The following AKT3 variants were observed in gnomAD, a reference collection of about 807,000 sequenced individuals.
AKT3 encodes RAC-gamma serine/threonine-protein kinase.
Under a neutral mutation model 65.3 loss-of-function variants are expected in AKT3, and 15 were observed. That is an observed-to-expected ratio of 0.23 (90% CI 0.15 to 0.35). The LOEUF is 0.35. AKT3 is among the 10% of genes least tolerant of loss of function. The pLI, the probability that AKT3 is intolerant of heterozygous loss-of-function variation, is 1.00. For synonymous variants in AKT3, 206 were observed against 183.8 expected (o/e 1.12, Z -0.98); for missense variants, 243 against 576.5 (o/e 0.42, Z 5.92).
rs950378744 is a variant in AKT3 at position 243,587,006 on chromosome 1, TA to T, written c.697-13959del. 7.7e-4 allele frequency among the ~76,000 whole-genome samples: 116 copies of T among 151,262 alleles called. 1 individual carries two copies. The highest frequency in any genetic ancestry group is 1.2e-3 in the African/African-American group (48 of 41,248). On this transcript the variant is annotated intron_variant, in intron 8 of 13. Coordinates refer to ENST00000673466, the MANE Select transcript of AKT3 (RefSeq NM_005465.7). ...TGTGACAAAGCTCATATTCTTAATA[TA>T]AAAAAAAATTAAAAGACTAAAACAC... is the stretch of plus-strand genomic sequence containing the variant.
chr1:243,528,046 T>A (rs1671276079), intron 12 of AKT3, among the ~76,000 whole-genome samples: 2 of 152,204 alleles, frequency 1.3e-5, no homozygotes, highest in Admixed American at 1.3e-4. Flanking sequence ...ACATCTGCTC[T>A]GGTGGGCGTC....
chr1:243,824,123 A>G (rs1183558232), intron 2 of AKT3, among the ~76,000 whole-genome samples: 1 of 152,234 alleles, frequency 6.6e-6, no homozygotes, highest in Non-Finnish European at 1.5e-5. Context: ...TAACCATCTG[A>G]TCTTTGACAA....
chr1:243,533,715 G>A (rs1671708540), intron 12 of AKT3, among the ~76,000 whole-genome samples: 1 of 152,216 alleles, frequency 6.6e-6, no homozygotes, highest in South Asian at 2.1e-4. Context: ...AGAAGGCCGG[G>A]CGCGGTGGCT....
chr1:243,613,680 A>G lies in AKT3; in HGVS notation c.687T>C (p.Asn229=), dbSNP rs777343432. The part of the protein sequence containing the change: ...DRLCFVMEYV[N]GGELFFHLSR... ...TTACTTCTTGACTCACCTCGCCCCC[A>G]TTAACATATTCCATCACAAAACACA... Residue 229 remains asparagine, a synonymous_variant, in exon 8 of 14, where the codon AAT becomes AAC. Transcript: ENST00000673466. 2.5e-6 allele frequency: 4 copies of G among 1,596,006 alleles called. No homozygotes were observed. The highest frequency in any genetic ancestry group is 1.7e-4 in the Middle Eastern group (1 of 6,004).
chr1:243,652,625 C>A (rs758361338), intron 4 of AKT3, among the ~76,000 whole-genome samples: 2 of 151,766 alleles, frequency 1.3e-5, no homozygotes, highest in Non-Finnish European at 2.9e-5. Context: ...GGGCTAAATG[C>A]CCCAATGACA....
chr1:243,755,063 T>C (rs1314009379), intron 2 of AKT3, among the ~76,000 whole-genome samples: 1 of 152,020 alleles, frequency 6.6e-6, no homozygotes, highest in Non-Finnish European at 1.5e-5. Context: ...CTCAAGTCCT[T>C]TTTAATTATT....
At chr1:243,786,735 C>T (rs1186114059) in intron 2 of AKT3, among the ~76,000 whole-genome samples, 1 of 152,054 alleles carries the variant, frequency 6.6e-6, no homozygotes, top group African/African-American at 2.4e-5. Flanking sequence ...GCTGTTGAAC[C>T]AGAAATGCTG....
chr1:243,722,346 T>C (rs1241586762), intron 2 of AKT3, among the ~76,000 whole-genome samples: 1 of 152,176 alleles, frequency 6.6e-6, no homozygotes, highest in Non-Finnish European at 1.5e-5. Flanking sequence ...ATTTACTCTA[T>C]AATATAAAGT....
intron 8 of AKT3, among the ~76,000 whole-genome samples, chr1:243,588,810 C>A (rs1675992599): frequency 6.6e-6 from 1 of 152,030 alleles, no homozygotes; most frequent in African/African-American, 2.4e-5. Flanking sequence ...ACCAAAAAAA[C>A]CTCCTTGATA....
At chr1:243,711,208 A>C (rs1307571917) in intron 2 of AKT3, among the ~76,000 whole-genome samples, 1 of 152,250 alleles carries the variant, frequency 6.6e-6, no homozygotes, top group Non-Finnish European at 1.5e-5. Context: ...AGTCCCAGCT[A>C]CTCGGGAGGC....
chr1:243,794,790 A>G (rs1691849057), intron 2 of AKT3, among the ~76,000 whole-genome samples: 1 of 152,268 alleles, frequency 6.6e-6, no homozygotes, highest in Non-Finnish European at 1.5e-5. Context: ...CAGTCCAAAT[A>G]GAGCAAAGCA....
intron 2 of AKT3, among the ~76,000 whole-genome samples, chr1:243,842,233 T>C (rs1170841949): frequency 3.9e-5 from 6 of 152,170 alleles, no homozygotes; most frequent in Non-Finnish European, 7.3e-5. Flanking sequence ...TCAGGATAGG[T>C]ATTTACTACA....
intron 10 of AKT3, among the ~76,000 whole-genome samples, chr1:243,557,542 T>C (rs1055814258): frequency 1.3e-5 from 2 of 152,176 alleles, no homozygotes; most frequent in Middle Eastern, 3.4e-3. Flanking sequence ...TTAGTTCATA[T>C]TTAAACAATG....
intron 6 of AKT3, among the ~76,000 whole-genome samples, chr1:243,633,607 A>G (rs537279551): frequency 1.3e-5 from 2 of 152,120 alleles, no homozygotes; most frequent in Non-Finnish European, 1.5e-5. Context: ...ATTAAATATA[A>G]CCTATACAAA....
At chr1:243,550,297 C>T (rs1477074182) in intron 11 of AKT3, among the ~76,000 whole-genome samples, 1 of 152,156 alleles carries the variant, frequency 6.6e-6, no homozygotes, top group African/African-American at 2.4e-5. Context: ...ATTATTAGAT[C>T]ATTGAAAATA....
At chr1:243,535,143 A>AATTTTTAAATAT (rs1558596231) in intron 12 of AKT3, among the ~76,000 whole-genome samples, 22 of 141,648 alleles carry the variant, frequency 1.6e-4, no homozygotes, top group African/African-American at 5.2e-4. Flanking sequence ...TAAAATTAAA[A>AATTTTTAAATAT]ATTTTAAAAT....
intron 12 of AKT3, among the ~76,000 whole-genome samples, chr1:243,524,270 A>G (rs1670907588): frequency 6.6e-6 from 1 of 152,222 alleles, no homozygotes; most frequent in South Asian, 2.1e-4. Flanking sequence ...TAAAGACAAG[A>G]AAATATTCAC....
rs1403098068 is a variant in AKT3 at position 243,775,524 on chromosome 1, T to C, written c.46+67601A>G. Among the ~76,000 whole-genome samples, 9 of 152,336 alleles carry C rather than the reference T, an allele frequency of 5.9e-5. No homozygotes were observed. In the East Asian group the frequency reaches 7.7e-4, roughly 13 times the overall value. On this transcript the variant is annotated intron_variant, in intron 2 of 13. Transcript: ENST00000673466. ...AGTCACTCACCCACCGGCCATCTTA[T>C]GAATCCTGTGTCTCCTCCCCACCTG...
At chr1:243,633,195 A>G (rs540936579) in intron 6 of AKT3, among the ~76,000 whole-genome samples, 1 of 152,338 alleles carries the variant, frequency 6.6e-6, no homozygotes, top group East Asian at 1.9e-4. Flanking sequence ...TTCTAGGTAA[A>G]CAGAAACTGA....
Sources: gnomAD v4.1 joint callset for allele counts (sites outside exome capture counted in the v4.1 genomes callset) on GRCh38, gnomAD v4.1.1 for gene constraint, MANE v1.5 for transcripts, NCBI Gene and HGNC (gene_info 2026-07-23, HGNC 2026-07-21) for gene names.